Variants in LYN observed in about 807,000 individuals in gnomAD.
LYN encodes the protein LYN proto-oncogene, Src family tyrosine kinase, also known as tyrosine-protein kinase Lyn.
In LYN, 12 loss-of-function variants were observed where a neutral mutation model predicts 65.0. That is an observed-to-expected ratio of 0.18 (90% CI 0.12 to 0.30). LYN has a LOEUF of 0.30. LYN is among the 10% of genes least tolerant of loss of function. The probability of loss-of-function intolerance (pLI) is 1.00; values close to 1 mark genes in which losing one functional copy is unlikely to be tolerated. For synonymous variants in LYN, 222 were observed against 221.2 expected (o/e 1.00, Z -0.03); for missense variants, 380 against 623.2 (o/e 0.61, Z 4.16).
chr8:55,996,089 TA>T (rs1156242143), intron 10 of LYN, among the ~76,000 whole-genome samples: 1 of 152,192 alleles, frequency 6.6e-6, no homozygotes, highest in Non-Finnish European at 1.5e-5. Context: ...ATAGAAAAGA[TA>T]TTTTCAGCCC....
intron 1 of LYN, among the ~76,000 whole-genome samples, chr8:55,884,519 TGA>T: frequency 1.3e-5 from 2 of 152,136 alleles, no homozygotes; most frequent in Non-Finnish European, 2.9e-5. Context: ...TGCTTTGGCG[TGA>T]TCCCAGTTCA....
chr8:55,977,824 C>T (rs11996228), intron 10 of LYN, among the ~76,000 whole-genome samples: 2,751 of 151,714 alleles, frequency 0.018, 94 homozygotes, highest in African/African-American at 0.063. Context: ...GAGGCTGAGA[C>T]GAGAGGATTG....
Position 55,997,059 on chromosome 8 carries a change from G to A in LYN, c.1051-1287G>A, listed in dbSNP as rs1392678190. Among the ~76,000 whole-genome samples, 2 of 151,982 alleles carry A rather than the reference G, an allele frequency of 1.3e-5. 1 individual carries two copies. The highest frequency in any genetic ancestry group is 2.9e-5 in the Non-Finnish European group (2 of 68,016). ...GCCTGTAATCCCAGCTACTCGGGAG[G>A]CTGAGGAAGGAGAATCACTTGAACC... On this transcript the variant is annotated intron_variant, in intron 10 of 12. Transcript: ENST00000519728.
chr8:55,908,466 A>G (rs1805495226), intron 1 of LYN, among the ~76,000 whole-genome samples: 1 of 151,954 alleles, frequency 6.6e-6, no homozygotes, highest in South Asian at 2.1e-4. Flanking sequence ...GCTGGTCTCG[A>G]ACTCCTAATC....
Position 55,953,873 on chromosome 8 carries a change from A to G in LYN, c.679A>G (p.Ile227Val), listed in dbSNP as rs867077413. The G allele has an allele frequency of 1.5e-5, 24 of 1,614,082 alleles. No homozygotes were observed. In the Middle Eastern group the frequency reaches 2.5e-3, roughly 166 times the overall value. Residue 227 changes from isoleucine to valine, a missense_variant, in exon 8 of 13, where the codon ATT becomes GTT. Ile to Val is a conservative substitution (Grantham distance 29). Transcript: ENST00000519728. ...GTGCAGAAGATTGGAGAAGGCTTGT[A>G]TTAGTCCCAAGCCACAGAAGCCATG... Reference protein sequence around the residue: ...GLCRRLEKACISPKPQKPWDK... With the variant: ...GLCRRLEKACVSPKPQKPWDK...
chr8:55,917,387 T>C (rs1043668129), intron 1 of LYN, among the ~76,000 whole-genome samples: 1 of 152,192 alleles, frequency 6.6e-6, no homozygotes, highest in Admixed American at 6.5e-5. Flanking sequence ...TCTTGCTATG[T>C]TGCCCAGGCT....
chr8:55,936,223 C>T (rs1242088543), intron 1 of LYN, among the ~76,000 whole-genome samples: 2 of 152,214 alleles, frequency 1.3e-5, no homozygotes, highest in Admixed American at 6.5e-5. Flanking sequence ...AGACACCACC[C>T]ACCTCTATTT....
In LYN at chr8:55,919,783, C is replaced by T. The variant is rs952704498; in HGVS notation, c.-5-22072C>T. On this transcript the variant is annotated intron_variant, in intron 1 of 12. Transcript: ENST00000519728. ...GGGCCCTGGGGAGGGAGAATGCACCCGTCTGGGTGAGCAGTTGAACGTGCA... is the reference window on the plus strand; with the variant it reads ...GGGCCCTGGGGAGGGAGAATGCACCTGTCTGGGTGAGCAGTTGAACGTGCA... 7.2e-5 allele frequency among the ~76,000 whole-genome samples: 11 copies of T among 152,206 alleles called. 2 individuals are homozygous for T. Among genetic ancestry groups the T allele is most frequent in the African/African-American group, 2.4e-5 (1 of 41,544 alleles).
chr8:55,915,820 GAA>G (rs1213053144), intron 1 of LYN, among the ~76,000 whole-genome samples: 1 of 151,926 alleles, frequency 6.6e-6, no homozygotes, highest in Non-Finnish European at 1.5e-5. Flanking sequence ...AGAGAAGAGA[GAA>G]AGAGAGCGAG....
rs1321483213 is a variant in LYN at position 55,991,589 on chromosome 8, C to A, written c.1051-6757C>A. On this transcript the variant is annotated intron_variant, in intron 10 of 12. Coordinates refer to ENST00000519728, the MANE Select transcript of LYN (RefSeq NM_002350.4). ...TGTGTACAAGATGCCAAGAGTTTCA[C>A]CAGAACCCCCCACCCCCAGGATTTG... Among the ~76,000 whole-genome samples, 3 of 152,088 alleles carry A rather than the reference C, an allele frequency of 2.0e-5. No individual in the cohort carries two copies. The East Asian group carries it at 5.8e-4, about 29-fold the overall frequency.
At chr8:55,893,063 CAG>C (rs1322167792) in intron 1 of LYN, among the ~76,000 whole-genome samples, 1 of 151,928 alleles carries the variant, frequency 6.6e-6, no homozygotes, top group Non-Finnish European at 1.5e-5. Context: ...GGCAAATAAA[CAG>C]ATTTTCAAGC....
At chr8:55,985,621 T>C (rs1202943483) in intron 10 of LYN, among the ~76,000 whole-genome samples, 1 of 152,254 alleles carries the variant, frequency 6.6e-6, no homozygotes, top group Non-Finnish European at 1.5e-5. Flanking sequence ...TTTGTCTTAG[T>C]TGAAATATAG....
chr8:55,995,306 T>C (rs1354012185), intron 10 of LYN, among the ~76,000 whole-genome samples: 1 of 152,192 alleles, frequency 6.6e-6, no homozygotes, highest in Non-Finnish European at 1.5e-5. Context: ...TTGAATCTTT[T>C]CCAGGGTCAG....
rs1585605399 is a variant in LYN, at chr8:55,925,799, A to G, written c.-5-16056A>G. Among the ~76,000 whole-genome samples the G allele has an allele frequency of 2.6e-5, 4 of 152,246 alleles. No homozygotes were observed. In the East Asian group the frequency reaches 7.7e-4, roughly 29 times the overall value. On this transcript the variant is annotated intron_variant, in intron 1 of 12. Transcript: ENST00000519728. Reference sequence around the variant, plus strand: ...AAGTGTCTTGCTGTGTTTGATTTTTAATTTTTACAACTATATTTTTATAAA... The same window carrying G: ...AAGTGTCTTGCTGTGTTTGATTTTTGATTTTTACAACTATATTTTTATAAA...
intron 12 of LYN, among the ~76,000 whole-genome samples, chr8:56,008,146 A>G (rs1808724921): frequency 2.0e-5 from 3 of 150,162 alleles, no homozygotes; most frequent in Admixed American, 1.3e-4. Context: ...AAATAAAATA[A>G]AATAAAATAC....
At chr8:55,946,959 A>G (rs1020221694) in intron 3 of LYN, among the ~76,000 whole-genome samples, 3 of 152,170 alleles carry the variant, frequency 2.0e-5, no homozygotes, top group Non-Finnish European at 4.4e-5. Flanking sequence ...TTGTAAGTAT[A>G]TGCCCTGGCC....
intron 1 of LYN, among the ~76,000 whole-genome samples, chr8:55,935,216 A>C (rs1197718873): frequency 2.0e-5 from 3 of 152,146 alleles, no homozygotes; most frequent in Non-Finnish European, 4.4e-5. Context: ...TAAAGAAAAA[A>C]AACAAAAACA....
At chr8:55,993,695 G>A (rs900669970) in intron 10 of LYN, among the ~76,000 whole-genome samples, 2 of 152,116 alleles carry the variant, frequency 1.3e-5, no homozygotes, top group African/African-American at 4.8e-5. Flanking sequence ...GCAGTGTTTG[G>A]TGTATAGTAG....
intron 1 of LYN, among the ~76,000 whole-genome samples, chr8:55,889,136 G>C (rs1350976106): frequency 6.6e-6 from 1 of 151,416 alleles, no homozygotes; most frequent in Non-Finnish European, 1.5e-5. Context: ...TCTCACCTCA[G>C]TACTGGGTAG....
Sources: gnomAD v4.1 joint callset for allele counts (sites outside exome capture counted in the v4.1 genomes callset) on GRCh38, gnomAD v4.1.1 for gene constraint, MANE v1.5 for transcripts, NCBI Gene and HGNC (gene_info 2026-07-23, HGNC 2026-07-21) for gene names.